Variants in PARPBP observed in about 807,000 individuals in gnomAD.
PARPBP encodes PARP1 binding protein, also known as PCNA-interacting partner.
A neutral mutation model predicts 50.0 loss-of-function variants in PARPBP; 52 were observed. That is an observed-to-expected ratio of 1.04 (90% CI 0.83 to 1.31). PARPBP has a LOEUF of 1.31. Among genes scored for constraint, PARPBP ranks in the 50% most tolerant of loss-of-function variants. The pLI, the probability that PARPBP is intolerant of heterozygous loss-of-function variation, is 0.00. For missense variants in PARPBP, 697 were observed against 672.0 expected, an observed-to-expected ratio of 1.04 and a Z score of -0.41; for synonymous variants, 244 against 232.1, an observed-to-expected ratio of 1.05 and a Z score of -0.47.
At chr12:102,189,755 A>C (rs1247188790) in intron 9 of PARPBP, among the ~76,000 whole-genome samples, 1 of 152,164 alleles carries the variant, frequency 6.6e-6, no homozygotes, top group Admixed American at 6.6e-5. Flanking sequence ...ATGTTGGGGA[A>C]GATTAAGGAC....
At chr12:102,195,493 C>T (rs1478014016) in intron 10 of PARPBP, 46 bp downstream of exon 10, 1 of 1,425,790 alleles carries the variant, frequency 7.0e-7, no homozygotes, top group Non-Finnish European at 9.7e-7. Flanking sequence ...TAATTCTAGT[C>T]TACTAATTAG....
intron 4 of PARPBP, chr12:102,154,806 A>G (rs766926755): frequency 2.6e-5 from 12 of 453,796 alleles, no homozygotes; most frequent in East Asian, 7.0e-5. Context: ...ATATCAATTA[A>G]CTAAATCTTT....
intron 6 of PARPBP, among the ~76,000 whole-genome samples, chr12:102,166,537 C>G (rs1387992397): frequency 6.6e-6 from 1 of 152,104 alleles, no homozygotes; most frequent in Non-Finnish European, 1.5e-5. Context: ...TGTTACATGT[C>G]AGACATTGTG....
intron 2 of PARPBP, among the ~76,000 whole-genome samples, chr12:102,136,840 G>C (rs1883714538): frequency 6.6e-6 from 1 of 152,106 alleles, no homozygotes; most frequent in Non-Finnish European, 1.5e-5. Flanking sequence ...GTAGCATATA[G>C]TAATTAAAAG....
intron 6 of PARPBP, among the ~76,000 whole-genome samples, chr12:102,174,288 G>T (rs1889040820): frequency 6.6e-6 from 1 of 151,866 alleles, no homozygotes; most frequent in East Asian, 1.9e-4. Context: ...AACAAATGCC[G>T]GATATGAGTC....
rs527525020 is a variant in PARPBP, at chr12:102,148,205, T to A, written c.154-25T>A. On this transcript the variant is annotated intron_variant, in intron 2 of 10. Transcript: ENST00000327680. ...ATTCTGGTACCCAACTTTATTTTTT[T>A]TTTTTTTGGCATTATCTTTTTCAGC... is the stretch of plus-strand genomic sequence containing the variant. The A allele has an allele frequency of 1.1e-4, 105 of 976,702 alleles. 1 individual carries two copies. The highest frequency in any genetic ancestry group is 1.1e-3 in the East Asian group (41 of 38,900). The allele number at this position is 976,702 out of a possible 1,614,324, so 60.5% of individuals were successfully genotyped here.
chr12:102,147,460 G>GC (rs1394375506), intron 2 of PARPBP, among the ~76,000 whole-genome samples: 6 of 150,602 alleles, frequency 4.0e-5, no homozygotes, highest in Non-Finnish European at 8.9e-5. Context: ...GTAAACTATC[G>GC]CAAGGACAAA....
chr12:102,164,705 G>C (rs1174224614), intron 5 of PARPBP, 97 bp downstream of exon 5: 6 of 914,250 alleles, frequency 6.6e-6, no homozygotes, highest in African/African-American at 1.6e-5. Flanking sequence ...CTTTTAAGTG[G>C]TTAATTTATG....
intron 9 of PARPBP, among the ~76,000 whole-genome samples, chr12:102,182,972 A>C (rs1479193352): frequency 1.3e-5 from 2 of 152,216 alleles, no homozygotes; most frequent in Non-Finnish European, 2.9e-5. Context: ...ACTGAATCTC[A>C]AGATATGTGA....
Position 102,120,199 on chromosome 12 carries a change from G to C in PARPBP, c.-91G>C, listed in dbSNP as rs560307947. On this transcript the variant is annotated 5_prime_UTR_variant, in exon 1 of 11. Coordinates refer to ENST00000327680, the MANE Select transcript of PARPBP (RefSeq NM_017915.5). ...GTTTGAACTGTATTCAGCGGCGACAGCGGCGACTGCGGCGGCCGCGGGAGG... is the reference window on the plus strand; with the variant it reads ...GTTTGAACTGTATTCAGCGGCGACACCGGCGACTGCGGCGGCCGCGGGAGG... 1.2e-4 allele frequency: 28 copies of C among 235,168 alleles called. No homozygotes were observed. Among genetic ancestry groups the C allele is most frequent in the Middle Eastern group, 1.9e-3 (1 of 518 alleles). The allele number at this position is 235,168 out of a possible 1,614,324, so 14.6% of individuals were successfully genotyped here.
chr12:102,153,802 G>C, intron 3 of PARPBP, 67 bp from the exon 4 acceptor site: 1 of 837,862 alleles, frequency 1.2e-6, no homozygotes, highest in African/African-American at 1.7e-5. Context: ...ACTGAGTAGA[G>C]CTTTATGTGA....
intron 2 of PARPBP, among the ~76,000 whole-genome samples, chr12:102,127,886 A>T (rs80128468): frequency 0.047 from 7,204 of 151,940 alleles, 306 homozygotes; most frequent in African/African-American, 0.11. Context: ...CTTAATTTTT[A>T]AAAAAAATTA....
rs1891326623 is a variant in PARPBP, at chr12:102,196,510, G to A, written c.*219G>A. 1 of 758,570 alleles carries A rather than the reference G, an allele frequency of 1.3e-6. No individual in the cohort carries two copies. The highest frequency in any genetic ancestry group is 2.2e-5 in the Admixed American group (1 of 45,316). The allele number at this position is 758,570 out of a possible 1,614,324, so 47.0% of individuals were successfully genotyped here. A position where few individuals can be genotyped will look rare whatever the true frequency, so the allele number is the denominator to read the frequency against. ...TGCACAGAGAAAGCATATCATTTCAGTTACTGATACATCTTAACACTACTT... is the reference window on the plus strand; with the variant it reads ...TGCACAGAGAAAGCATATCATTTCAATTACTGATACATCTTAACACTACTT... On this transcript the variant is annotated 3_prime_UTR_variant, in exon 11 of 11. Transcript: ENST00000327680.
Position 102,148,291 on chromosome 12 carries a change from A to C in PARPBP, c.215A>C (p.His72Pro). The C allele has an allele frequency of 1.9e-6, 3 of 1,608,578 alleles. No individual in the cohort carries two copies. The highest frequency in any genetic ancestry group is 2.6e-6 in the Non-Finnish European group (3 of 1,176,324). ...DVLLTWKYLL[H>P]EKLNLPVENM... The stretch of plus-strand genomic sequence containing the variant: ...TTATTGACATGGAAATACTTGCTCC[A>C]TGAGAAATTGAACTTACCAGTTGAA... The change falls in exon 3 of 11, where the codon CAT becomes CCT. Residue 72 changes from histidine (H) to proline (P), a missense_variant. Physicochemically the swap from His to Pro is moderately conservative, Grantham distance 77. Coordinates refer to ENST00000327680, the MANE Select transcript of PARPBP (RefSeq NM_017915.5).
intron 6 of PARPBP, among the ~76,000 whole-genome samples, chr12:102,167,759 T>G (rs1441908052): frequency 6.6e-6 from 1 of 152,144 alleles, no homozygotes; most frequent in Non-Finnish European, 1.5e-5. Context: ...ATTCCTTTGT[T>G]TTTAGTCCTG....
chr12:102,196,134 C>A lies in PARPBP; in HGVS notation c.1583C>A (p.Pro528Gln). ...ATTCTCTGTGATAATAGAAATGAACCACCTCAACATAAAAATGCTAAAATA... is the reference window on the plus strand; with the variant it reads ...ATTCTCTGTGATAATAGAAATGAACAACCTCAACATAAAAATGCTAAAATA... ...ENILCDNRNE[P>Q]PQHKNAKIPK... Residue 528 changes from proline (P) to glutamine (Q), a missense_variant, in exon 11 of 11, where the codon CCA becomes CAA. By Grantham distance (76) the Pro-to-Gln change is moderately conservative. Coordinates refer to ENST00000327680, the MANE Select transcript of PARPBP (RefSeq NM_017915.5). 6.2e-7 allele frequency: 1 copy of A among 1,611,770 alleles called. No homozygotes were observed. Among genetic ancestry groups the A allele is most frequent in the African/African-American group, 1.3e-5 (1 of 74,858 alleles).
rs780739688 is a variant in PARPBP at position 102,153,865 on chromosome 12, A to G, written c.388-4A>G. ...TTATTAGTAATACTCTATGTTTTCT[A>G]CAGAGTCAACTACTGGATTTTCTGT... On this transcript the variant is annotated splice_region_variant and splice_polypyrimidine_tract_variant and intron_variant, in intron 3 of 10. Transcript: ENST00000327680. 1.4e-5 allele frequency: 21 copies of G among 1,532,042 alleles called. No homozygotes were observed. In the Admixed American group the frequency reaches 3.0e-4, roughly 22 times the overall value. 94.9% of individuals were successfully genotyped at this position (1,532,042 alleles called of 1,614,324 possible). A position where few individuals can be genotyped will look rare whatever the true frequency, so the allele number is the denominator to read the frequency against.
At chr12:102,171,368 C>T (rs189052779) in intron 6 of PARPBP, among the ~76,000 whole-genome samples, 54 of 152,036 alleles carry the variant, frequency 3.6e-4, no homozygotes, top group African/African-American at 1.0e-3. Context: ...TATGATGCTA[C>T]GATGTTACAT....
intron 8 of PARPBP, among the ~76,000 whole-genome samples, chr12:102,180,026 T>C (rs547083495): frequency 6.6e-6 from 1 of 152,294 alleles, no homozygotes; most frequent in East Asian, 1.9e-4. Flanking sequence ...ACAGAAACTT[T>C]ACAGTGGTCT....
Sources: allele counts gnomAD v4.1 joint callset (sites outside exome capture counted in the v4.1 genomes callset), GRCh38; gene constraint gnomAD v4.1.1; transcripts MANE v1.5; gene names NCBI Gene and HGNC (gene_info 2026-07-23, HGNC 2026-07-21).